Variants in DMD observed in about 807,000 individuals in gnomAD.
DMD encodes the protein dystrophin.
A neutral mutation model predicts 330.1 loss-of-function variants in DMD; 63 were observed. The ratio of observed to expected loss-of-function variants is 0.19; its 90% CI spans 0.16 to 0.24. The LOEUF (loss-of-function observed/expected upper bound fraction) is 0.24, where lower values mean the gene tolerates loss of function less well. Ranked by LOEUF, DMD falls within the 10% of genes least tolerant of loss-of-function variation. The probability of loss-of-function intolerance (pLI) is 1.00; values close to 1 mark genes in which losing one functional copy is unlikely to be tolerated. For missense variants in DMD, 3,344 were observed against 2,684.1 expected, an observed-to-expected ratio of 1.25 and a Z score of -5.43; for synonymous variants, 1,223 against 959.8, an observed-to-expected ratio of 1.27 and a Z score of -5.07.
chrX:32,178,831 GT>G (rs2096915649), intron 44 of DMD, among the ~76,000 whole-genome samples: 7 of 33,856 alleles, frequency 2.1e-4, no homozygotes, highest in East Asian at 1.6e-3. Context: ...ATTCCAGGGG[GT>G]GTGTGTGTGT....
intron 51 of DMD, among the ~76,000 whole-genome samples, chrX:31,764,814 A>G (rs957784546): frequency 8.9e-6 from 1 of 111,911 alleles, no homozygotes; most frequent in African/African-American, 3.2e-5. Context: ...TACAGTATAT[A>G]TTCTTTTCTT....
intron 7 of DMD, among the ~76,000 whole-genome samples, chrX:32,726,797 A>C (rs892840858): frequency 1.8e-5 from 2 of 110,944 alleles, no homozygotes; most frequent in Non-Finnish European, 3.8e-5. Context: ...ACCCTGAATT[A>C]ATTATCACAT....
chrX:32,857,223 C>A (rs1934822376), intron 2 of DMD, among the ~76,000 whole-genome samples: 1 of 112,180 alleles, frequency 8.9e-6, no homozygotes, highest in African/African-American at 3.2e-5. Flanking sequence ...TACTATGTAT[C>A]CATAAATTTA....
At chrX:31,272,904 T>C (rs1040121705) in intron 62 of DMD, among the ~76,000 whole-genome samples, 1 of 112,372 alleles carries the variant, frequency 8.9e-6, no homozygotes, top group African/African-American at 3.2e-5. Context: ...TTTTTCTTTC[T>C]ACCTGACACT....
At chrX:31,123,128 A>ATATT (rs1457333652) in intron 78 of DMD, among the ~76,000 whole-genome samples, 1 of 111,839 alleles carries the variant, frequency 8.9e-6, no homozygotes, top group Non-Finnish European at 1.9e-5. Flanking sequence ...TTTTGTTTTA[A>ATATT]TATTTATTTC....
intron 55 of DMD, among the ~76,000 whole-genome samples, chrX:31,570,076 C>G (rs1029039766): frequency 2.7e-5 from 3 of 111,231 alleles, no homozygotes; most frequent in African/African-American, 9.8e-5. Context: ...AGGATCCAAT[C>G]CAGAATCTCC....
intron 1 of DMD, among the ~76,000 whole-genome samples, chrX:33,330,487 G>A (rs2054156433): frequency 8.9e-6 from 1 of 111,781 alleles, no homozygotes; most frequent in Non-Finnish European, 1.9e-5. Flanking sequence ...TCTAATTAAA[G>A]AGTGTTAGAC....
At chrX:31,203,536 T>TC (rs1287906915) in intron 67 of DMD, among the ~76,000 whole-genome samples, 2 of 58,350 alleles carry the variant, frequency 3.4e-5, no homozygotes, top group Admixed American at 3.9e-4. Flanking sequence ...AAGGACAGTT[T>TC]TAAAAAAAAG....
chrX:31,255,992 G>T (rs1182271022), intron 63 of DMD, among the ~76,000 whole-genome samples: 1 of 109,709 alleles, frequency 9.1e-6, no homozygotes, highest in African/African-American at 3.3e-5. Context: ...AGCCAGGAAG[G>T]TCTTGATCTC....
chrX:31,512,020 G>A (rs2071660235), intron 55 of DMD, among the ~76,000 whole-genome samples: 2 of 109,936 alleles, frequency 1.8e-5, no homozygotes, highest in African/African-American at 6.6e-5. Context: ...TTAAATGATT[G>A]CCATTCTAAC....
intron 1 of DMD, among the ~76,000 whole-genome samples, chrX:33,261,627 AACACACACAC>A (rs56984530): frequency 1.0e-4 from 9 of 89,113 alleles, no homozygotes; most frequent in South Asian, 1.3e-3. Context: ...ATACGGGAAG[AACACACACAC>A]ACACACACAC....
chrX:32,593,165 G>A (rs894757922), intron 13 of DMD, among the ~76,000 whole-genome samples: 8 of 112,532 alleles, frequency 7.1e-5, no homozygotes, highest in African/African-American at 1.6e-4. Context: ...AGGTGCTGCC[G>A]GCCACAGAGG....
intron 44 of DMD, among the ~76,000 whole-genome samples, chrX:32,125,524 T>C (rs1254199457): frequency 3.6e-5 from 4 of 111,554 alleles, no homozygotes; most frequent in Non-Finnish European, 7.5e-5. Flanking sequence ...CAGGGGGGTA[T>C]GTATATAAGA....
intron 37 of DMD, 133 bp from the exon 38 acceptor site, chrX:32,348,661 G>T: frequency 1.7e-6 from 1 of 599,365 alleles, no homozygotes; most frequent in Non-Finnish European, 2.5e-6. Flanking sequence ...TATGTTTTAT[G>T]AAGGGTTTTG....
chrX:31,657,375 T>C (rs1469656504), intron 54 of DMD, among the ~76,000 whole-genome samples: 1 of 112,269 alleles, frequency 8.9e-6, no homozygotes, highest in Non-Finnish European at 1.9e-5. Flanking sequence ...AGTTACATAA[T>C]TTATATTTTT....
chrX:32,857,915 T>A (rs939411565), intron 2 of DMD, among the ~76,000 whole-genome samples: 14 of 111,196 alleles, frequency 1.3e-4, no homozygotes, highest in Non-Finnish European at 2.1e-4. Flanking sequence ...CTTTTAAAAC[T>A]GGAGGTAACC....
intron 2 of DMD, among the ~76,000 whole-genome samples, chrX:33,017,052 A>T (rs2093817668): frequency 8.9e-6 from 1 of 111,788 alleles, no homozygotes; most frequent in Non-Finnish European, 1.9e-5. Flanking sequence ...TATATAATAG[A>T]TGTGATAAAT....
chrX:31,691,187 A>G (rs1227646778), intron 52 of DMD, among the ~76,000 whole-genome samples: 2 of 111,553 alleles, frequency 1.8e-5, no homozygotes, highest in African/African-American at 6.5e-5. Context: ...AGTGTTGAGT[A>G]TATGCACACA....
At chrX:32,639,662 A>T (rs1036271618) in intron 11 of DMD, among the ~76,000 whole-genome samples, 3 of 112,465 alleles carry the variant, frequency 2.7e-5, no homozygotes, top group East Asian at 2.8e-4. Context: ...TAGCAAGGAA[A>T]GAATCAAATG....
Sources: gnomAD v4.1 joint callset for allele counts (sites outside exome capture counted in the v4.1 genomes callset) on GRCh38, gnomAD v4.1.1 for gene constraint, MANE v1.5 for transcripts, NCBI Gene and HGNC (gene_info 2026-07-23, HGNC 2026-07-21) for gene names.